Variants in ITGA8 observed in about 807,000 individuals in gnomAD.
ITGA8 encodes integrin alpha-8.
Under a neutral mutation model 142.3 loss-of-function variants are expected in ITGA8, and 91 were observed. That is an observed-to-expected ratio of 0.64 (90% confidence interval 0.54 to 0.76). The LOEUF (loss-of-function observed/expected upper bound fraction) is 0.76, where lower values mean the gene tolerates loss of function less well. Among genes scored for constraint, ITGA8 ranks in the 30% least tolerant of loss-of-function variants. The pLI is 0.00. For synonymous variants in ITGA8, 505 were observed against 485.2 expected, an observed-to-expected ratio of 1.04 and a Z score of -0.54; for missense variants, 1,406 against 1,327.7, an observed-to-expected ratio of 1.06 and a Z score of -0.92.
chr10:15,672,483 GA>G, intron 7 of ITGA8, 140 bp downstream of exon 7: 1 of 1,020,538 alleles, frequency 9.8e-7, no homozygotes, highest in Non-Finnish European at 1.4e-6. Context: ...AAAAAGAAAA[GA>G]AAAATTGAGT....
rs1019614173 is a variant in ITGA8, at chr10:15,657,514, T to C, written c.948+1485A>G. Among the ~76,000 whole-genome samples the C allele has an allele frequency of 2.4e-5, 3 of 125,114 alleles. No homozygotes were observed. The East Asian group carries it at 6.2e-4, about 26-fold the overall frequency. The allele number at this position is 125,114 out of a possible 152,430, so 82.1% of individuals were successfully genotyped here. ...GGTTTCTTTTTCTTTTCTTTCATTT[T>C]TTTTTTTTTTTTTTTTTAACAGAGA... On this transcript the variant is annotated intron_variant, in intron 10 of 29. Coordinates refer to ENST00000378076, the MANE Select transcript of ITGA8 (RefSeq NM_003638.3).
chr10:15,705,825 GCTTT>G (rs1237349041), intron 2 of ITGA8, among the ~76,000 whole-genome samples: 1 of 152,018 alleles, frequency 6.6e-6, no homozygotes, highest in African/African-American at 2.4e-5. Context: ...TGGCTTCATG[GCTTT>G]CTTTTACCTA....
At chr10:15,698,416 G>A (rs1249449056) in intron 2 of ITGA8, among the ~76,000 whole-genome samples, 1 of 151,992 alleles carries the variant, frequency 6.6e-6, no homozygotes, top group Non-Finnish European at 1.5e-5. Flanking sequence ...TTTTCATCTG[G>A]GTAGATACCT....
chr10:15,633,101 C>CT (rs1257105921), intron 13 of ITGA8, among the ~76,000 whole-genome samples: 1 of 152,176 alleles, frequency 6.6e-6, no homozygotes, highest in African/African-American at 2.4e-5. Context: ...GAGCATATAT[C>CT]TTTTTCCATT....
At chr10:15,614,334 A>G (rs1283833638) in intron 14 of ITGA8, among the ~76,000 whole-genome samples, 2 of 152,208 alleles carry the variant, frequency 1.3e-5, no homozygotes, top group Non-Finnish European at 2.9e-5. Context: ...TACATCAGCC[A>G]GAGAAGTGGT....
At chr10:15,538,953 GT>G (rs367805176) in intron 27 of ITGA8, among the ~76,000 whole-genome samples, 5,051 of 131,802 alleles carry the variant, frequency 0.038, 147 homozygotes, top group Non-Finnish European at 0.057. Context: ...TCAGGTAAAG[GT>G]TTTTTTTTTT....
chr10:15,700,527 G>A (rs1372930533), intron 2 of ITGA8, among the ~76,000 whole-genome samples: 2 of 152,064 alleles, frequency 1.3e-5, no homozygotes, highest in Non-Finnish European at 2.9e-5. Context: ...ATAAGATGTC[G>A]CATGCAGTAA....
In ITGA8 at chr10:15,719,893, G is replaced by GCGCACCC. The variant is rs1286144102; in HGVS notation, c.-129_-123dup. On this transcript the variant is annotated 5_prime_UTR_variant, in exon 1 of 30. Transcript: ENST00000378076. ...CCCGTGTCCCGGGTCGGTGCGCTCG[G>GCGCACCC]CGCACCCGTGGTGACAGTGCCCGGC... 21 of 757,716 alleles carry GCGCACCC rather than the reference G, an allele frequency of 2.8e-5. No individual in the cohort carries two copies. The East Asian group carries it at 7.1e-4, about 26-fold the overall frequency. The allele number at this position is 757,716 out of a possible 1,614,324, so 46.9% of individuals were successfully genotyped here.
chr10:15,602,496 G>T (rs1217866260), intron 20 of ITGA8, among the ~76,000 whole-genome samples: 2 of 152,076 alleles, frequency 1.3e-5, no homozygotes, highest in Non-Finnish European at 2.9e-5. Context: ...TCAGCGCTTT[G>T]GAAGGCCAAG....
chr10:15,552,844 A>G (rs1399638832), intron 26 of ITGA8, among the ~76,000 whole-genome samples: 1 of 151,952 alleles, frequency 6.6e-6, no homozygotes, highest in Non-Finnish European at 1.5e-5. Flanking sequence ...TTTCTGTTCT[A>G]TTGTACACCA....
chr10:15,586,742 A>G (rs1588660150), intron 22 of ITGA8, 78 bp from the exon 23 acceptor site: 3 of 834,958 alleles, frequency 3.6e-6, no homozygotes, highest in East Asian at 2.6e-5. Context: ...AAAACATTCT[A>G]CATATCACAG....
intron 13 of ITGA8, among the ~76,000 whole-genome samples, chr10:15,626,227 T>G (rs1833580165): frequency 6.6e-6 from 1 of 152,158 alleles, no homozygotes; most frequent in African/African-American, 2.4e-5. Context: ...GTTCTTTCTT[T>G]TCTTTTCTTT....
In ITGA8 at chr10:15,677,600, T is replaced by C. The variant is rs1293730187; in HGVS notation, c.668A>G (p.Tyr223Cys). The C allele has an allele frequency of 1.2e-6, 2 of 1,613,404 alleles. No individual in the cohort carries two copies. The highest frequency in any genetic ancestry group is 1.3e-5 in the African/African-American group (1 of 74,878). Residue 223 changes from tyrosine (Y) to cysteine (C), a missense_variant, in exon 6 of 30, where the codon TAC (tyrosine) becomes TGC (cysteine). By Grantham distance (194) the Tyr-to-Cys change is radical. Transcript: ENST00000378076. ...CTGCCAACAGAACATACCTTGCCAG[T>C]AGAAACTCCCAGGTCCTCCCACAAT... ...DLIVGGPGSF[Y>C]WQGQVITASV...
chr10:15,568,476 A>C (rs1353813680), intron 25 of ITGA8, among the ~76,000 whole-genome samples: 1 of 152,240 alleles, frequency 6.6e-6, no homozygotes, highest in Non-Finnish European at 1.5e-5. Context: ...GAGATAACCA[A>C]ACTATAACCA....
intron 28 of ITGA8, among the ~76,000 whole-genome samples, chr10:15,523,605 T>C (rs1450140017): frequency 6.6e-6 from 1 of 151,998 alleles, no homozygotes; most frequent in Non-Finnish European, 1.5e-5. Context: ...TAACATTAAG[T>C]TTGTTTAAAA....
intron 27 of ITGA8, among the ~76,000 whole-genome samples, chr10:15,544,254 C>T (rs1407498260): frequency 2.0e-5 from 3 of 152,080 alleles, no homozygotes; most frequent in South Asian, 2.1e-4. Context: ...GTTATGACTG[C>T]ACCACTTCAC....
chr10:15,703,369 T>A (rs1477844024), intron 2 of ITGA8, among the ~76,000 whole-genome samples: 1 of 152,210 alleles, frequency 6.6e-6, no homozygotes, highest in Non-Finnish European at 1.5e-5. Context: ...TGGTAGTAAA[T>A]ATGAATGGCT....
intron 26 of ITGA8, among the ~76,000 whole-genome samples, chr10:15,555,976 T>A (rs1199360135): frequency 6.9e-6 from 1 of 145,612 alleles, no homozygotes; most frequent in East Asian, 2.1e-4. Context: ...CCTTTCTTAT[T>A]ACTCATTTGC....
At chr10:15,669,877 T>C (rs1218674019) in intron 8 of ITGA8, among the ~76,000 whole-genome samples, 1 of 152,188 alleles carries the variant, frequency 6.6e-6, no homozygotes, top group Non-Finnish European at 1.5e-5. Flanking sequence ...TCTGGAAGTT[T>C]TGTCTCAGAG....
Sources: gnomAD v4.1 joint callset for allele counts (sites outside exome capture counted in the v4.1 genomes callset) on GRCh38, gnomAD v4.1.1 for gene constraint, MANE v1.5 for transcripts, NCBI Gene and HGNC (gene_info 2026-07-23, HGNC 2026-07-21) for gene names.